SLC35B3: variants seen among roughly 807,000 people sequenced by gnomAD.
SLC35B3 encodes adenosine 3'-phospho 5'-phosphosulfate transporter 2.
Under a neutral mutation model 44.1 loss-of-function variants are expected in SLC35B3, and 35 were observed. The observed-to-expected ratio is 0.79, with a 90% CI of 0.61 to 1.05. The LOEUF (loss-of-function observed/expected upper bound fraction) is 1.05, where lower values mean the gene tolerates loss of function less well. SLC35B3 is among the 50% of genes least tolerant of loss of function. SLC35B3 has a pLI of 0.00. For synonymous variants in SLC35B3, 146 were observed against 167.3 expected (o/e 0.87, Z 0.98); for missense variants, 414 against 476.4 (o/e 0.87, Z 1.22).
chr6:8,418,071 A>G (rs1252921933), intron 7 of SLC35B3, among the ~76,000 whole-genome samples: 1 of 152,004 alleles, frequency 6.6e-6, no homozygotes, highest in Non-Finnish European at 1.5e-5. Context: ...ACTTCTCACA[A>G]CCACCCTAGA....
At chr6:8,431,810 A>G (rs1764014359) in intron 2 of SLC35B3, among the ~76,000 whole-genome samples, 1 of 152,216 alleles carries the variant, frequency 6.6e-6, no homozygotes, top group Admixed American at 6.5e-5. Context: ...ATGTGTGAGC[A>G]TGGATATAGT....
intron 2 of SLC35B3, among the ~76,000 whole-genome samples, chr6:8,430,607 T>C (rs6597316): frequency 0.54 from 81,748 of 152,006 alleles, 24,229 homozygotes; most frequent in African/African-American, 0.81. Context: ...AGGCCAGGTG[T>C]GGTGGCTCAT....
Position 8,420,581 on chromosome 6 carries a change from T to C in SLC35B3, c.682+140A>G. ...GCTGTGATATTTTCACTACATCTTA[T>C]ATGGAAAGTCCAAAAGCTTTATGTT... On this transcript the variant is annotated intron_variant, in intron 6 of 10. Transcript: ENST00000644923. The surrounding 1 kb of genome is among the most constrained non-coding windows in gnomAD (Gnocchi z 4.4). The C allele has an allele frequency of 1.7e-6, 1 of 576,082 alleles. No homozygotes were observed. The highest frequency in any genetic ancestry group is 3.1e-6 in the Non-Finnish European group (1 of 322,140). 35.7% of individuals were successfully genotyped at this position (576,082 alleles called of 1,614,324 possible).
At chr6:8,431,593 TGTTTA>T (rs1581273874) in intron 2 of SLC35B3, among the ~76,000 whole-genome samples, 1 of 152,170 alleles carries the variant, frequency 6.6e-6, no homozygotes, top group East Asian at 1.9e-4. Context: ...GTGTTCCTCT[TGTTTA>T]TTCTTCACTT....
At chr6:8,417,543 T>C (rs749955766) in intron 7 of SLC35B3, 49 bp from the exon 7 acceptor site, 1 of 1,125,558 alleles carries the variant, frequency 8.9e-7, no homozygotes, top group South Asian at 1.4e-5. Context: ...AAACTGAAAA[T>C]GGAAGATTAA....
intron 4 of SLC35B3, among the ~76,000 whole-genome samples, chr6:8,424,298 G>A (rs1272615385): frequency 6.6e-6 from 1 of 152,212 alleles, no homozygotes; most frequent in African/African-American, 2.4e-5. Context: ...TGTTGCCCAG[G>A]CTGGAGTGCA....
intron 2 of SLC35B3, among the ~76,000 whole-genome samples, chr6:8,431,773 G>A (rs1055089098): frequency 6.6e-6 from 1 of 152,108 alleles, no homozygotes; most frequent in Non-Finnish European, 1.5e-5. Flanking sequence ...TAGAAGAGAC[G>A]AAAACCTTAA....
intron 9 of SLC35B3, 72 bp downstream of exon 8, chr6:8,416,812 A>G (rs1416116946): frequency 1.5e-6 from 1 of 654,520 alleles, no homozygotes; most frequent in Non-Finnish European, 2.6e-6. Context: ...TGTTGCCCTT[A>G]TGTTTTGAAA....
At chr6:8,422,702 AAATGTCT>A in intron 4 of SLC35B3, 78 bp from the exon 4 acceptor site, 1 of 1,110,230 alleles carries the variant, frequency 9.0e-7, no homozygotes, top group Non-Finnish European at 1.3e-6. Flanking sequence ...CACATTGTGT[AAATGTCT>A]AATTACTTTT....
chr6:8,430,359 T>A (rs972538511), intron 2 of SLC35B3, among the ~76,000 whole-genome samples: 2 of 152,160 alleles, frequency 1.3e-5, no homozygotes, highest in Non-Finnish European at 2.9e-5. Context: ...TGATAAAGAT[T>A]AGTACATCAT....
At chr6:8,429,472 T>C (rs925882588) in intron 3 of SLC35B3, among the ~76,000 whole-genome samples, 5 of 152,100 alleles carry the variant, frequency 3.3e-5, no homozygotes, top group African/African-American at 1.2e-4. Flanking sequence ...CCATAAAATA[T>C]CCTGATACAT....
At chr6:8,422,358 T>C (rs891894921) in intron 5 of SLC35B3, 112 bp downstream of exon 4, 7 of 840,158 alleles carry the variant, frequency 8.3e-6, no homozygotes, top group Non-Finnish European at 1.1e-5. Flanking sequence ...ATTGTTACAA[T>C]ATCTAGAATG....
rs1399399498 is a variant in SLC35B3 at position 8,418,893 on chromosome 6, A to G, written c.780+687T>C. ...ACTACTGGTAGTAATATTCTGCAAA[A>G]GAAAAGGAACAATGGTAGCTAGTCC... On this transcript the variant is annotated intron_variant, in intron 7 of 10. Transcript: ENST00000644923. The G allele has an allele frequency of 1.4e-5, 3 of 209,298 alleles. No homozygotes were observed. In the East Asian group the frequency reaches 4.8e-4, roughly 33 times the overall value. 13.0% of individuals were successfully genotyped at this position (209,298 alleles called of 1,614,324 possible).
intron 7 of SLC35B3, among the ~76,000 whole-genome samples, chr6:8,417,823 T>A (rs572612447): frequency 9.9e-5 from 15 of 152,100 alleles, no homozygotes; most frequent in Non-Finnish European, 1.6e-4. Flanking sequence ...AACAAAAAGC[T>A]TTAAAGATAC....
At chr6:8,426,281 A>ATT (rs1763402567) in intron 4 of SLC35B3, among the ~76,000 whole-genome samples, 1 of 152,196 alleles carries the variant, frequency 6.6e-6, no homozygotes, top group Non-Finnish European at 1.5e-5. Context: ...TATGAGATTT[A>ATT]TTTATGTTTC....
At position 8,427,930 on chromosome 6, in the gene SLC35B3, C is replaced by T. The variant is rs752928481; in HGVS notation, c.419+7G>A. The T allele has an allele frequency of 7.5e-6, 12 of 1,603,090 alleles. No homozygotes were observed. The highest frequency in any genetic ancestry group is 9.4e-6 in the Non-Finnish European group (11 of 1,175,162). On this transcript the variant is annotated splice_region_variant and intron_variant, in intron 4 of 10. Coordinates refer to ENST00000644923, the MANE Select transcript of SLC35B3 (RefSeq NM_001370476.2). Reference sequence around the variant, plus strand: ...GAAATATCAAAAAATAAAAACAAACCACATACCTCCTCCTTTTGTCCTGAA... The same window carrying T: ...GAAATATCAAAAAATAAAAACAAACTACATACCTCCTCCTTTTGTCCTGAA...
chr6:8,415,319 G>GC (rs1439691069), intron 9 of SLC35B3, among the ~76,000 whole-genome samples: 1 of 152,144 alleles, frequency 6.6e-6, no homozygotes, highest in African/African-American at 2.4e-5. Context: ...TTAGCTAGAG[G>GC]CAGGGGTTAT....
rs536311991 is a variant in SLC35B3 at position 8,413,210 on chromosome 6, G to A, written c.*339C>T. 4.7e-5 allele frequency: 9 copies of A among 192,836 alleles called. No individual in the cohort carries two copies. The East Asian group carries it at 6.1e-4, about 13-fold the overall frequency. The allele number at this position is 192,836 out of a possible 1,614,324, so 11.9% of individuals were successfully genotyped here. ...TGAATATAAAACAATCTGCTATTACGTATCGATTTCTTTGATAGGATATAA... is the reference window on the plus strand; with the variant it reads ...TGAATATAAAACAATCTGCTATTACATATCGATTTCTTTGATAGGATATAA... On this transcript the variant is annotated 3_prime_UTR_variant, in exon 11 of 11. Transcript: ENST00000644923.
Position 8,434,236 on chromosome 6 carries a change from T to G in SLC35B3, c.3+149A>C, listed in dbSNP as rs781118453. On this transcript the variant is annotated intron_variant, in intron 2 of 10. Transcript: ENST00000644923. The surrounding 1 kb of genome is among the most constrained non-coding windows in gnomAD (Gnocchi z 6.3). ...TTGAAGTCACAATTATTTCAGTTTA[T>G]TTTTGAGTTTTCCGACCTGAAGGAC... is the stretch of plus-strand genomic sequence containing the variant. 1 of 641,522 alleles carries G rather than the reference T, an allele frequency of 1.6e-6. No individual in the cohort carries two copies. The highest frequency in any genetic ancestry group is 1.8e-5 in the African/African-American group (1 of 54,470). 39.7% of individuals were successfully genotyped at this position (641,522 alleles called of 1,614,324 possible). A position where few individuals can be genotyped will look rare whatever the true frequency, so the allele number is the denominator to read the frequency against.
Sources: gnomAD v4.1 joint callset for allele counts (sites outside exome capture counted in the v4.1 genomes callset) on GRCh38, gnomAD v4.1.1 for gene constraint, Gnocchi (gnomAD v3.1) non-coding constraint, MANE v1.5 for transcripts, NCBI Gene and HGNC (gene_info 2026-07-23, HGNC 2026-07-21) for gene names.